The following KLF3 variants were observed in gnomAD, a reference collection of about 807,000 sequenced individuals.
KLF3 encodes KLF transcription factor 3.
KLF3 carries 6 observed loss-of-function variants against 32.7 expected under a neutral mutation model. That is an observed-to-expected ratio of 0.18 (90% CI 0.10 to 0.36). The LOEUF is 0.36. Among genes scored for constraint, KLF3 ranks in the 10% least tolerant of loss-of-function variants. The pLI is 1.00. For synonymous variants in KLF3, 145 were observed against 172.8 expected (o/e 0.84, Z 1.26); for missense variants, 338 against 449.7 (o/e 0.75, Z 2.25).
At chr4:38,696,186 GAAAA>G (rs57996051) in intron 5 of KLF3, among the ~76,000 whole-genome samples, 1,417 of 99,218 alleles carry the variant, frequency 0.014, 12 homozygotes, top group Non-Finnish European at 0.021. Context: ...TTAGATGTAG[GAAAA>G]AAAAAAAAAA....
rs991151978 is a variant in KLF3, at chr4:38,699,219, T to G, written c.*1956T>G. 6 of 152,198 alleles carry G rather than the reference T, an allele frequency of 3.9e-5. No individual in the cohort carries two copies. Among genetic ancestry groups the G allele is most frequent in the African/African-American group, 1.4e-4 (6 of 41,434 alleles). 9.4% of individuals were successfully genotyped at this position (152,198 alleles called of 1,614,324 possible). A position where few individuals can be genotyped will look rare whatever the true frequency, so the allele number is the denominator to read the frequency against. ...TCTTTAGGATACTAAAACATCCTAA[T>G]TGGGCTGTTTTTTTGTTTTGTTTTG... On this transcript the variant is annotated 3_prime_UTR_variant, in exon 6 of 6. Transcript: ENST00000261438.
Position 38,699,699 on chromosome 4 carries a change from A to AGTT in KLF3, c.*2437_*2439dup, listed in dbSNP as rs1297700621. On this transcript the variant is annotated 3_prime_UTR_variant, in exon 6 of 6. Transcript: ENST00000261438. ...TTCAGCTTGCTTAGATTGTGTTAAC[A>AGTT]GTTCATTTAACAAAGATCCGTTTTA... 1.3e-5 allele frequency: 2 copies of AGTT among 152,252 alleles called. 1 individual carries two copies. The highest frequency in any genetic ancestry group is 1.3e-4 in the Admixed American group (2 of 15,290). 9.4% of individuals were successfully genotyped at this position (152,252 alleles called of 1,614,324 possible).
rs1295121505 is a variant in KLF3 at position 38,689,758 on chromosome 4, A to G, written c.574A>G (p.Ile192Val). ...VPVIESYEKP[I>V]SQKKIKIEPG... ...TGTAATTGAATCATATGAGAAGCCT[A>G]TATCACAGAAAAAAATTAAAATAGA... The change falls in exon 4 of 6, where the codon ATA becomes GTA. Residue 192 changes from isoleucine (I) to valine (V), a missense_variant. Coordinates refer to ENST00000261438, the MANE Select transcript of KLF3 (RefSeq NM_016531.6). 8 of 1,605,194 alleles carry G rather than the reference A, an allele frequency of 5.0e-6. No individual in the cohort carries two copies. Among genetic ancestry groups the G allele is most frequent in the South Asian group, 1.1e-5 (1 of 90,044 alleles).
intron 1 of KLF3, among the ~76,000 whole-genome samples, chr4:38,678,089 G>C (rs1249068306): frequency 6.6e-6 from 1 of 152,098 alleles, no homozygotes; most frequent in Non-Finnish European, 1.5e-5. Flanking sequence ...TAATTTAGAA[G>C]CATTTGCATC....
In KLF3 at chr4:38,694,765, G is replaced by A. The variant is rs201522223; in HGVS notation, c.715G>A (p.Val239Met). 1.3e-5 allele frequency: 20 copies of A among 1,577,428 alleles called. No homozygotes were observed. The highest frequency in any genetic ancestry group is 3.6e-5 in the South Asian group (3 of 84,078). ...TCACAGGAATCACCCTTCGGTCATC[G>A]TGCAGCCTGGGAAGAGACCTTTACC... Reference protein sequence around the residue: ...LLQENHPSVIVQPGKRPLPVE... With the variant: ...LLQENHPSVIMQPGKRPLPVE... The change falls in exon 5 of 6, where the codon GTG becomes ATG. Residue 239 changes from valine to methionine, a missense_variant. By Grantham distance (21) the Val-to-Met change is conservative. Transcript: ENST00000261438.
chr4:38,681,314 A>T (rs969059836), intron 2 of KLF3, among the ~76,000 whole-genome samples: 3 of 152,206 alleles, frequency 2.0e-5, no homozygotes, highest in African/African-American at 7.2e-5. Context: ...GTAAAAATAT[A>T]TTAAGAATAG....
chr4:38,683,630 AT>A (rs936092939), intron 2 of KLF3, among the ~76,000 whole-genome samples: 23 of 148,674 alleles, frequency 1.5e-4, no homozygotes, highest in South Asian at 2.1e-4. Flanking sequence ...ATGTACATAA[AT>A]TTTTTTTTTT....
rs116858176 is a variant in KLF3 at position 38,678,540 on chromosome 4, C to T, written c.-39-2047C>T. Among the ~76,000 whole-genome samples the T allele has an allele frequency of 1.8e-3, 272 of 152,230 alleles. 5 individuals are homozygous for T. The East Asian group carries it at 0.024, about 13-fold the overall frequency. On this transcript the variant is annotated intron_variant, in intron 1 of 5. Transcript: ENST00000261438. Reference sequence around the variant, plus strand: ...GAAAATATAATTTTGAAGTCAAGGCCTTATGTCGAGTTATTGATGAAATTC... The same window carrying T: ...GAAAATATAATTTTGAAGTCAAGGCTTTATGTCGAGTTATTGATGAAATTC...
intron 2 of KLF3, among the ~76,000 whole-genome samples, chr4:38,685,457 A>T (rs1722664324): frequency 6.6e-6 from 1 of 152,178 alleles, no homozygotes; most frequent in African/African-American, 2.4e-5. Flanking sequence ...CATAATGTTG[A>T]TAAAGCTTAG....
Position 38,689,707 on chromosome 4 carries a change from CTT to C in KLF3, c.545-19_545-18del, listed in dbSNP as rs1722821115. On this transcript the variant is annotated intron_variant, in intron 3 of 5. Transcript: ENST00000261438. ...AATTGGTAAACTGTACGTGAAGTGA[CTT>C]TTCTATTTTTATTTTTTAGTACCTG... 1 of 1,552,334 alleles carries C rather than the reference CTT, an allele frequency of 6.4e-7. No individual in the cohort carries two copies. The highest frequency in any genetic ancestry group is 2.0e-5 in the Admixed American group (1 of 50,156).
At chr4:38,696,775 G>A (rs530084352) in intron 5 of KLF3, among the ~76,000 whole-genome samples, 12 of 152,310 alleles carry the variant, frequency 7.9e-5, no homozygotes, top group African/African-American at 2.9e-4. Flanking sequence ...AGATTTGGGA[G>A]ATGTGCAAAT....
chr4:38,668,429 TTGA>T (rs1461792277), intron 1 of KLF3, among the ~76,000 whole-genome samples: 1 of 152,144 alleles, frequency 6.6e-6, no homozygotes, highest in Non-Finnish European at 1.5e-5. Context: ...CTCCCCAAAA[TTGA>T]TGATAATGGT....
chr4:38,665,480 AT>A (rs1458446168), intron 1 of KLF3, among the ~76,000 whole-genome samples: 1 of 152,238 alleles, frequency 6.6e-6, no homozygotes, highest in African/African-American at 2.4e-5. Context: ...GCAGTATACA[AT>A]AATACTAGAA....
At chr4:38,685,903 G>T (rs1454166406) in intron 2 of KLF3, among the ~76,000 whole-genome samples, 1 of 152,058 alleles carries the variant, frequency 6.6e-6, no homozygotes, top group African/African-American at 2.4e-5. Flanking sequence ...GATTTATTTT[G>T]TTGTGTTGTT....
chr4:38,693,944 C>A (rs1234013871), intron 4 of KLF3, among the ~76,000 whole-genome samples: 1 of 152,112 alleles, frequency 6.6e-6, no homozygotes, highest in African/African-American at 2.4e-5. Context: ...GGTGCAAACT[C>A]AGGAATGAGA....
chr4:38,675,194 G>C (rs78553387), intron 1 of KLF3, among the ~76,000 whole-genome samples: 1 of 152,302 alleles, frequency 6.6e-6, no homozygotes, highest in Non-Finnish European at 1.5e-5. Flanking sequence ...GGTGGAAAGA[G>C]CATGAAGGGA....
chr4:38,693,832 G>C (rs995471469), intron 4 of KLF3, among the ~76,000 whole-genome samples: 1 of 152,170 alleles, frequency 6.6e-6, no homozygotes, highest in African/African-American at 2.4e-5. Flanking sequence ...ACTTTTCCCA[G>C]CTCTTCCTCC....
Position 38,688,824 on chromosome 4 carries a change from T to C in KLF3, c.297T>C (p.Ser99=). ...CCTCGCCTGGGTTGAGCATGCCTTCTTCCAGCCCACCGATAAAAAAATACT... is the reference window on the plus strand; with the variant it reads ...CCTCGCCTGGGTTGAGCATGCCTTCCTCCAGCCCACCGATAAAAAAATACT... ...RRASPGLSMP[S]SSPPIKKYSP... Residue 99 remains serine, a synonymous_variant, in exon 3 of 6, where the codon TCT becomes TCC. Coordinates refer to ENST00000261438, the MANE Select transcript of KLF3 (RefSeq NM_016531.6). The surrounding 1 kb of genome is among the most constrained non-coding windows in gnomAD (Gnocchi z 4.9). 1 of 1,614,220 alleles carries C rather than the reference T, an allele frequency of 6.2e-7. No individual in the cohort carries two copies. The highest frequency in any genetic ancestry group is 8.5e-7 in the Non-Finnish European group (1 of 1,180,038).
chr4:38,682,913 TTTTTTC>T (rs1240692395), intron 2 of KLF3, among the ~76,000 whole-genome samples: 1 of 152,204 alleles, frequency 6.6e-6, no homozygotes, highest in Non-Finnish European at 1.5e-5. Flanking sequence ...GAAGGTGTTT[TTTTTTC>T]TTTTTCTTTT....
Sources: allele counts gnomAD v4.1 joint callset (sites outside exome capture counted in the v4.1 genomes callset), GRCh38; gene constraint gnomAD v4.1.1; non-coding constraint Gnocchi (gnomAD v3.1); transcripts MANE v1.5; gene names NCBI Gene and HGNC (gene_info 2026-07-23, HGNC 2026-07-21).